The following ENAH variants were observed in gnomAD, a reference collection of about 807,000 sequenced individuals.
ENAH encodes the protein ENAH actin regulator, also known as protein enabled homolog.
Under a neutral mutation model 78.7 loss-of-function variants are expected in ENAH, and 23 were observed. The ratio of observed to expected loss-of-function variants is 0.29; its 90% CI spans 0.21 to 0.41. ENAH has a LOEUF of 0.41. ENAH is among the 10% of genes least tolerant of loss of function. The probability of loss-of-function intolerance (pLI) is 1.00; values close to 1 mark genes in which losing one functional copy is unlikely to be tolerated. For missense variants in ENAH, 544 were observed against 691.0 expected (o/e 0.79, Z 2.39); for synonymous variants, 226 against 241.0 (o/e 0.94, Z 0.58).
At chr1:225,576,508 T>C (rs2096788909) in intron 1 of ENAH, among the ~76,000 whole-genome samples, 1 of 152,222 alleles carries the variant, frequency 6.6e-6, no homozygotes, top group Non-Finnish European at 1.5e-5. Context: ...GCTTTGCATA[T>C]GTCTAAGTTC....
chr1:225,607,220 G>C (rs2096960862), intron 1 of ENAH, among the ~76,000 whole-genome samples: 1 of 152,038 alleles, frequency 6.6e-6, no homozygotes. Context: ...AACAACGACA[G>C]CTGATGAGCT....
At chr1:225,499,573 G>A (rs927821395) in intron 12 of ENAH, among the ~76,000 whole-genome samples, 5 of 152,274 alleles carry the variant, frequency 3.3e-5, no homozygotes, top group Middle Eastern at 3.4e-3. Context: ...TCAGGAGGCT[G>A]AGGCAGGAGA....
At chr1:225,595,966 T>C (rs192627790) in intron 1 of ENAH, among the ~76,000 whole-genome samples, 1 of 152,344 alleles carries the variant, frequency 6.6e-6, no homozygotes, top group Admixed American at 6.5e-5. Flanking sequence ...TTTTTCTCAT[T>C]ATTATTTCCT....
At chr1:225,500,264 T>C (rs1286868463) in intron 12 of ENAH, among the ~76,000 whole-genome samples, 1 of 152,240 alleles carries the variant, frequency 6.6e-6, no homozygotes, top group Non-Finnish European at 1.5e-5. Flanking sequence ...GTATTTTAAA[T>C]CACAATCTTA....
At chr1:225,551,841 C>T (rs1296148480) in intron 3 of ENAH, among the ~76,000 whole-genome samples, 1 of 152,142 alleles carries the variant, frequency 6.6e-6, no homozygotes, top group Non-Finnish European at 1.5e-5. Flanking sequence ...GTTTGTTCTG[C>T]TTCTCATCAG....
At chr1:225,549,631 A>G (rs2096632129) in intron 3 of ENAH, among the ~76,000 whole-genome samples, 1 of 152,054 alleles carries the variant, frequency 6.6e-6, no homozygotes, top group Admixed American at 6.5e-5. Flanking sequence ...CCAACCTTGT[A>G]GGGTTGTTAT....
intron 3 of ENAH, among the ~76,000 whole-genome samples, chr1:225,554,479 C>T (rs116420265): frequency 0.01 from 1,532 of 152,192 alleles, 24 homozygotes; most frequent in Middle Eastern, 0.024. Flanking sequence ...GAGACCCAGT[C>T]CTACTTCAAG....
rs1300689252 is a variant in ENAH, at chr1:225,489,451, A to C, written c.*8324T>G. 1 of 152,246 alleles carries C rather than the reference A, an allele frequency of 6.6e-6. No individual in the cohort carries two copies. Among genetic ancestry groups the C allele is most frequent in the Non-Finnish European group, 1.5e-5 (1 of 68,056 alleles). 9.4% of individuals were successfully genotyped at this position (152,246 alleles called of 1,614,324 possible). Reference sequence around the variant, plus strand: ...CCATTGATTTTTCCGCATTGTTTACATCCAGGATGCATGCTGTCCAGTGCA... The same window carrying C: ...CCATTGATTTTTCCGCATTGTTTACCTCCAGGATGCATGCTGTCCAGTGCA... On this transcript the variant is annotated 3_prime_UTR_variant, in exon 14 of 14. Coordinates refer to ENST00000366843, the MANE Select transcript of ENAH (RefSeq NM_018212.6).
intron 1 of ENAH, among the ~76,000 whole-genome samples, chr1:225,569,384 T>C (rs1033026077): frequency 6.6e-6 from 1 of 152,032 alleles, no homozygotes; most frequent in African/African-American, 2.4e-5. Flanking sequence ...AAATGACGAG[T>C]TGATGGGTGC....
At position 225,508,012 on chromosome 1, in the gene ENAH, T is replaced by C. The variant is rs2151088167; in HGVS notation, c.1477A>G (p.Thr493Ala). Residue 493 changes from threonine to alanine, a missense_variant, in exon 11 of 14, where the codon ACA becomes GCA. By Grantham distance (58) the Thr-to-Ala change is moderately conservative. Around this residue, in one of 4 missense-constraint regions of ENAH, gnomAD observed 97 missense variants for 124.4 expected, o/e 0.78. Transcript: ENST00000366843. ...TTTGTTCTTTCCCAAGGTTTTCTTG[T>C]TGGTTCTTTAAAAATAAAAAACAAA... ...KASSTSTPEP[T>A]RKPWERTNTM... 2 of 1,550,146 alleles carry C rather than the reference T, an allele frequency of 1.3e-6. No individual in the cohort carries two copies. The highest frequency in any genetic ancestry group is 8.6e-7 in the Non-Finnish European group (1 of 1,156,752).
At chr1:225,548,861 T>TC (rs1363434472) in intron 3 of ENAH, among the ~76,000 whole-genome samples, 1 of 151,880 alleles carries the variant, frequency 6.6e-6, no homozygotes, top group Non-Finnish European at 1.5e-5. Context: ...TTTTTTTTTT[T>TC]TTTTGAGGCA....
intron 1 of ENAH, among the ~76,000 whole-genome samples, chr1:225,584,369 T>C (rs1293716668): frequency 6.6e-6 from 1 of 151,700 alleles, no homozygotes; most frequent in Non-Finnish European, 1.5e-5. Flanking sequence ...ATGGTAAAAG[T>C]GAAAGCAATA....
chr1:225,627,182 C>T (rs1658104388), intron 1 of ENAH, among the ~76,000 whole-genome samples: 2 of 152,196 alleles, frequency 1.3e-5, no homozygotes, highest in South Asian at 2.1e-4. Flanking sequence ...ATGTCTGAAA[C>T]TTTGGGAAAA....
At chr1:225,612,101 C>G (rs2096993192) in intron 1 of ENAH, among the ~76,000 whole-genome samples, 1 of 152,102 alleles carries the variant, frequency 6.6e-6, no homozygotes, top group African/African-American at 2.4e-5. Flanking sequence ...TCCGAAAAAA[C>G]TGAAAACAGG....
chr1:225,552,098 A>AAGAAATTAT (rs2096643398), intron 3 of ENAH, among the ~76,000 whole-genome samples: 1 of 151,446 alleles, frequency 6.6e-6, no homozygotes, highest in Non-Finnish European at 1.5e-5. Flanking sequence ...GAATCTGCGT[A>AAGAAATTAT]AGAAATTATA....
intron 1 of ENAH, among the ~76,000 whole-genome samples, chr1:225,613,374 G>GC (rs34724083): frequency 6.6e-6 from 1 of 152,070 alleles, no homozygotes; most frequent in Non-Finnish European, 1.5e-5. Flanking sequence ...CAGAATGTAA[G>GC]CCCCCTGGGT....
At chr1:225,624,683 C>T (rs979930381) in intron 1 of ENAH, among the ~76,000 whole-genome samples, 1 of 151,824 alleles carries the variant, frequency 6.6e-6, no homozygotes, top group African/African-American at 2.4e-5. Flanking sequence ...AATAAAAATT[C>T]CCCAGGTGTG....
intron 1 of ENAH, among the ~76,000 whole-genome samples, chr1:225,623,868 CG>C (rs1558926265): frequency 2.0e-5 from 3 of 152,104 alleles, no homozygotes; most frequent in African/African-American, 7.2e-5. Flanking sequence ...GGATTACAGG[CG>C]TAAGCCACCG....
intron 1 of ENAH, among the ~76,000 whole-genome samples, chr1:225,580,830 G>C (rs2096812759): frequency 6.6e-6 from 1 of 150,940 alleles, no homozygotes; most frequent in African/African-American, 2.4e-5. Context: ...AGCCTGGGAG[G>C]GTGGAAGTTG....
Sources: gnomAD v4.1 joint callset for allele counts (sites outside exome capture counted in the v4.1 genomes callset) on GRCh38, gnomAD v4.1.1 for gene constraint, gnomAD v4.1.1 regional missense constraint, MANE v1.5 for transcripts, NCBI Gene and HGNC (gene_info 2026-07-23, HGNC 2026-07-21) for gene names.